SGMS1: variants seen among roughly 807,000 people sequenced by gnomAD.
SGMS1 encodes phosphatidylcholine:ceramide cholinephosphotransferase 1.
In SGMS1, 13 loss-of-function variants were observed where a neutral mutation model predicts 46.2. The observed-to-expected ratio is 0.28, with a 90% confidence interval of 0.18 to 0.45. The LOEUF is 0.45. SGMS1 is among the 20% of genes least tolerant of loss of function. The pLI, the probability that SGMS1 is intolerant of heterozygous loss-of-function variation, is 1.00. For synonymous variants in SGMS1, 203 were observed against 187.8 expected, an observed-to-expected ratio of 1.08 and a Z score of -0.66; for missense variants, 324 against 519.9, an observed-to-expected ratio of 0.62 and a Z score of 3.66.
intron 6 of SGMS1, among the ~76,000 whole-genome samples, chr10:50,366,816 G>T (rs1023467834): frequency 3.3e-5 from 5 of 152,152 alleles, no homozygotes; most frequent in African/African-American, 4.8e-5. Context: ...TGGGGGGCTA[G>T]GGGAGGGATA....
At chr10:50,343,327 G>A (rs1489817359) in intron 7 of SGMS1, 165 bp downstream of exon 7, 8 of 694,740 alleles carry the variant, frequency 1.2e-5, no homozygotes, top group Non-Finnish European at 1.3e-5. Context: ...TTCTTTTAAA[G>A]CTTCCAGACA....
intron 6 of SGMS1, among the ~76,000 whole-genome samples, chr10:50,391,228 C>G (rs1263234672): frequency 2.0e-5 from 3 of 152,174 alleles, no homozygotes; most frequent in African/African-American, 7.2e-5. Context: ...AGACCACAGA[C>G]CTAAAATCAA....
At chr10:50,504,093 C>T (rs571890022) in intron 3 of SGMS1, among the ~76,000 whole-genome samples, 1 of 152,308 alleles carries the variant, frequency 6.6e-6, no homozygotes, top group East Asian at 1.9e-4. Flanking sequence ...GTGCCCATAG[C>T]TCCTGTCTGA....
chr10:50,540,351 A>C (rs1292131482), intron 2 of SGMS1, among the ~76,000 whole-genome samples: 1 of 152,204 alleles, frequency 6.6e-6, no homozygotes, highest in Non-Finnish European at 1.5e-5. Flanking sequence ...AAATGGTGGC[A>C]TCTGTGCCAC....
intron 7 of SGMS1, chr10:50,328,092 T>C: frequency 5.2e-6 from 2 of 386,720 alleles, no homozygotes; most frequent in South Asian, 2.0e-5. Flanking sequence ...CTAACAAAAT[T>C]ATTTGATATA....
intron 3 of SGMS1, among the ~76,000 whole-genome samples, chr10:50,488,116 C>T (rs1192519681): frequency 2.0e-5 from 3 of 151,806 alleles, no homozygotes; most frequent in Admixed American, 6.6e-5. Flanking sequence ...TGGGTTCTAG[C>T]GACACTCCTG....
chr10:50,344,252 G>A lies in SGMS1; in HGVS notation c.-138C>T. 1 of 1,193,818 alleles carries A rather than the reference G, an allele frequency of 8.4e-7. No homozygotes were observed. The highest frequency in any genetic ancestry group is 1.1e-6 in the Non-Finnish European group (1 of 874,412). 74.0% of individuals were successfully genotyped at this position (1,193,818 alleles called of 1,614,324 possible). On this transcript the variant is annotated 5_prime_UTR_variant, in exon 7 of 11. Coordinates refer to ENST00000361781, the MANE Select transcript of SGMS1 (RefSeq NM_147156.4). Reference sequence around the variant, plus strand: ...TGAGCAGAGACTTGTTTGGCAAGATGGTCAGGGCAGTTTTTAAACACCTCA... The same window carrying A: ...TGAGCAGAGACTTGTTTGGCAAGATAGTCAGGGCAGTTTTTAAACACCTCA...
intron 2 of SGMS1, among the ~76,000 whole-genome samples, chr10:50,578,199 G>A (rs1199698352): frequency 6.6e-6 from 1 of 152,194 alleles, no homozygotes; most frequent in Non-Finnish European, 1.5e-5. Flanking sequence ...GTCTGAGCTT[G>A]AATGCTTTGT....
intron 6 of SGMS1, among the ~76,000 whole-genome samples, chr10:50,351,685 G>A (rs2133381464): frequency 6.6e-6 from 1 of 152,302 alleles, no homozygotes; most frequent in South Asian, 2.1e-4. Flanking sequence ...CACCATGTAA[G>A]AAGTGCCTTT....
chr10:50,348,024 C>T (rs1847942200), intron 6 of SGMS1, among the ~76,000 whole-genome samples: 1 of 152,144 alleles, frequency 6.6e-6, no homozygotes, highest in Non-Finnish European at 1.5e-5. Flanking sequence ...GCTTTCCCTC[C>T]CCTTTCCCCC....
chr10:50,482,841 T>C (rs1428016548), intron 3 of SGMS1, among the ~76,000 whole-genome samples: 1 of 151,874 alleles, frequency 6.6e-6, no homozygotes, highest in Non-Finnish European at 1.5e-5. Context: ...ACACATAGGC[T>C]CAAAATAAAG....
chr10:50,624,988 C>A, upstream of SGMS1: 1 of 1,030,510 alleles, frequency 9.7e-7, no homozygotes, highest in South Asian at 2.8e-5. Context: ...GCGCTCGGAA[C>A]CGACCTGGGA....
chr10:50,532,225 C>CTGTGTGTGTGTGTGTG (rs71029313), intron 2 of SGMS1, among the ~76,000 whole-genome samples: 15 of 130,590 alleles, frequency 1.1e-4, no homozygotes, highest in African/African-American at 4.1e-4. Flanking sequence ...CTGAATGAGA[C>CTGTGTGTGTGTGTGTG]TGTGTGTGTG....
chr10:50,577,182 A>G (rs889520226), intron 2 of SGMS1, among the ~76,000 whole-genome samples: 4 of 152,194 alleles, frequency 2.6e-5, no homozygotes, highest in African/African-American at 7.2e-5. Flanking sequence ...TTAAAAGTGC[A>G]CTTGTGGCAG....
intron 1 of SGMS1, among the ~76,000 whole-genome samples, chr10:50,596,460 G>A (rs904636943): frequency 4.6e-5 from 7 of 152,358 alleles, no homozygotes; most frequent in Admixed American, 1.3e-4. Flanking sequence ...TTACAGGCGT[G>A]AGCCACCACG....
chr10:50,435,281 TA>T (rs763328259), intron 5 of SGMS1, among the ~76,000 whole-genome samples: 1 of 152,184 alleles, frequency 6.6e-6, no homozygotes, highest in Non-Finnish European at 1.5e-5. Context: ...TTATATAACT[TA>T]AAGATGATAT....
At chr10:50,474,029 A>G (rs1356163593) in intron 3 of SGMS1, 7 of 152,262 alleles carry the variant, frequency 4.6e-5, no homozygotes, top group Admixed American at 4.6e-4. Flanking sequence ...GGAACACTTA[A>G]GCTCAGGACA....
chr10:50,350,181 C>T (rs7911266), intron 6 of SGMS1, among the ~76,000 whole-genome samples: 23,337 of 152,106 alleles, frequency 0.15, 2,131 homozygotes, highest in Admixed American at 0.22. Flanking sequence ...GCAAAGAGAC[C>T]GGAAGCATTT....
intron 2 of SGMS1, among the ~76,000 whole-genome samples, chr10:50,548,026 A>G (rs1024847453): frequency 6.6e-6 from 1 of 152,204 alleles, no homozygotes; most frequent in Non-Finnish European, 1.5e-5. Context: ...CAAACTAGGT[A>G]CTAAAGGAAC....
Sources: allele counts gnomAD v4.1 joint callset (sites outside exome capture counted in the v4.1 genomes callset), GRCh38; gene constraint gnomAD v4.1.1; transcripts MANE v1.5; gene names NCBI Gene and HGNC (gene_info 2026-07-23, HGNC 2026-07-21).